The following ARMC9 variants were observed in gnomAD, a reference collection of about 807,000 sequenced individuals.
ARMC9 encodes the protein armadillo repeat containing 9.
ARMC9 carries 94 observed loss-of-function variants against 107.0 expected under a neutral mutation model. The ratio of observed to expected loss-of-function variants is 0.88; its 90% CI spans 0.74 to 1.04. The LOEUF is 1.04. Among genes scored for constraint, ARMC9 ranks in the 50% least tolerant of loss-of-function variants. The pLI is 0.00. For missense variants in ARMC9, 942 were observed against 1,030.1 expected, an observed-to-expected ratio of 0.91 and a Z score of 1.17; for synonymous variants, 380 against 396.9, an observed-to-expected ratio of 0.96 and a Z score of 0.51.
At chr2:231,265,241 T>C (rs973732106) in intron 12 of ARMC9, among the ~76,000 whole-genome samples, 2 of 152,160 alleles carry the variant, frequency 1.3e-5, no homozygotes, top group Non-Finnish European at 2.9e-5. Context: ...GGTCCAACAG[T>C]CCCACTAGTG....
intron 23 of ARMC9, among the ~76,000 whole-genome samples, chr2:231,369,481 C>T (rs1349148785): frequency 1.3e-5 from 2 of 151,750 alleles, no homozygotes; most frequent in African/African-American, 4.8e-5. Flanking sequence ...TTAGTAGAGA[C>T]GGGGGTCTCA....
intron 3 of ARMC9, among the ~76,000 whole-genome samples, chr2:231,212,180 C>T (rs1254954301): frequency 6.6e-6 from 1 of 152,150 alleles, no homozygotes; most frequent in Non-Finnish European, 1.5e-5. Context: ...TGTGTGTCTA[C>T]AAGTTACTAT....
intron 22 of ARMC9, among the ~76,000 whole-genome samples, chr2:231,357,999 CCTT>C (rs2045411391): frequency 6.6e-6 from 1 of 152,198 alleles, no homozygotes; most frequent in Non-Finnish European, 1.5e-5. Context: ...TCCATTCTGA[CCTT>C]CTTTCAGACA....
intron 20 of ARMC9, among the ~76,000 whole-genome samples, chr2:231,338,571 G>A (rs1344030380): frequency 4.7e-5 from 6 of 126,652 alleles, no homozygotes; most frequent in East Asian, 4.4e-4. Flanking sequence ...ACAGTGTCTC[G>A]CTCTGTCACA....
At chr2:231,300,522 A>G (rs1307107416) in intron 19 of ARMC9, among the ~76,000 whole-genome samples, 2 of 152,174 alleles carry the variant, frequency 1.3e-5, no homozygotes, top group Admixed American at 1.3e-4. Context: ...GCACTGTTCT[A>G]GGCGCCTTAT....
intron 18 of ARMC9, chr2:231,295,408 G>A (rs1412622739): frequency 6.6e-6 from 1 of 152,452 alleles, no homozygotes; most frequent in African/African-American, 2.4e-5. Flanking sequence ...GATGGCTGCT[G>A]AGCAAGGGGA....
chr2:231,324,273 A>ATG (rs2043179402), intron 19 of ARMC9, among the ~76,000 whole-genome samples: 1 of 151,170 alleles, frequency 6.6e-6, no homozygotes, highest in South Asian at 2.1e-4. Context: ...GACTACAGGC[A>ATG]CACGCCACCA....
intron 7 of ARMC9, among the ~76,000 whole-genome samples, chr2:231,229,535 A>T (rs977572658): frequency 2.6e-5 from 4 of 152,252 alleles, no homozygotes; most frequent in Non-Finnish European, 4.4e-5. Context: ...GTCACTTAAA[A>T]AGGATATAGA....
At chr2:231,309,356 T>C (rs2042208857) in intron 19 of ARMC9, among the ~76,000 whole-genome samples, 1 of 152,236 alleles carries the variant, frequency 6.6e-6, no homozygotes, top group African/African-American at 2.4e-5. Context: ...ATCTGATTTT[T>C]TAAAAATTTT....
At chr2:231,229,211 T>C (rs1049325234) in intron 7 of ARMC9, among the ~76,000 whole-genome samples, 11 of 152,156 alleles carry the variant, frequency 7.2e-5, no homozygotes, top group African/African-American at 2.4e-4. Flanking sequence ...GGCCCAGGCA[T>C]GACAGTCATT....
intron 19 of ARMC9, among the ~76,000 whole-genome samples, chr2:231,298,310 C>T (rs762923764): frequency 7.9e-5 from 12 of 152,222 alleles, no homozygotes; most frequent in East Asian, 3.8e-4. Context: ...CGGGGCAGTC[C>T]GGGCACAGCC....
intron 13 of ARMC9, 72 bp downstream of exon 13, chr2:231,271,144 G>A (rs544956374): frequency 2.8e-5 from 41 of 1,444,184 alleles, no homozygotes; most frequent in South Asian, 1.2e-4. Context: ...GAAAATGAGC[G>A]TTCCTCCCAA....
chr2:231,223,597 A>C (rs1574655746), intron 6 of ARMC9, among the ~76,000 whole-genome samples: 1 of 152,318 alleles, frequency 6.6e-6, no homozygotes, highest in South Asian at 2.1e-4. Context: ...AATTTCATGA[A>C]AAATTTAGGC....
chr2:231,231,920 C>G (rs2035262772), intron 7 of ARMC9, among the ~76,000 whole-genome samples: 1 of 151,858 alleles, frequency 6.6e-6, no homozygotes, highest in South Asian at 2.1e-4. Context: ...AACTCCCGAC[C>G]TCAGGTGATC....
chr2:231,274,347 A>T (rs933353702), intron 14 of ARMC9, among the ~76,000 whole-genome samples: 6 of 151,836 alleles, frequency 4.0e-5, no homozygotes, highest in Non-Finnish European at 8.8e-5. Flanking sequence ...CGAACTCCTA[A>T]CCTTGTGATC....
At chr2:231,295,930 C>A (rs1424790197) in intron 18 of ARMC9, 4 of 305,624 alleles carry the variant, frequency 1.3e-5, no homozygotes, top group African/African-American at 6.4e-5. Context: ...TCCCTAAATT[C>A]CCCTAAAATT....
At chr2:231,308,422 G>A (rs920608232) in intron 19 of ARMC9, among the ~76,000 whole-genome samples, 16 of 152,208 alleles carry the variant, frequency 1.1e-4, no homozygotes, top group African/African-American at 3.6e-4. Context: ...GGCTGCAGCG[G>A]GAGTGGGGCT....
intron 17 of ARMC9, among the ~76,000 whole-genome samples, chr2:231,288,198 T>C (rs1344379482): frequency 6.6e-6 from 1 of 152,222 alleles, no homozygotes; most frequent in Non-Finnish European, 1.5e-5. Flanking sequence ...TATGAAAATG[T>C]AGTTTATAAG....
At chr2:231,311,945 C>T (rs1239837513) in intron 19 of ARMC9, among the ~76,000 whole-genome samples, 1 of 152,090 alleles carries the variant, frequency 6.6e-6, no homozygotes, top group African/African-American at 2.4e-5. Flanking sequence ...CCCACCCCCT[C>T]AAGTTCTTGA....
Sources: gnomAD v4.1 joint callset for allele counts (sites outside exome capture counted in the v4.1 genomes callset) on GRCh38, gnomAD v4.1.1 for gene constraint, MANE v1.5 for transcripts, NCBI Gene and HGNC (gene_info 2026-07-23, HGNC 2026-07-21) for gene names.